ADARB2: variants seen among roughly 807,000 people sequenced by gnomAD.
ADARB2 encodes the protein inactive double-stranded RNA-specific editase B2.
ADARB2 carries 25 observed loss-of-function variants against 62.2 expected under a neutral mutation model. That is an observed-to-expected ratio of 0.40 (90% confidence interval 0.29 to 0.56). The LOEUF is 0.56. Among genes scored for constraint, ADARB2 ranks in the 20% least tolerant of loss-of-function variants. The pLI, the probability that ADARB2 is intolerant of heterozygous loss-of-function variation, is 0.43. For missense variants in ADARB2, 1,071 were observed against 1,077.4 expected (o/e 0.99, Z 0.08); for synonymous variants, 572 against 500.8 (o/e 1.14, Z -1.90).
At chr10:1,222,215 T>C (rs541727006) in intron 6 of ADARB2, among the ~76,000 whole-genome samples, 282 of 152,326 alleles carry the variant, frequency 1.9e-3, no homozygotes, top group African/African-American at 6.3e-3. Context: ...TAAATGTCTT[T>C]TTTTGAGAAG....
At chr10:1,213,227 A>G (rs1837182228) in intron 7 of ADARB2, among the ~76,000 whole-genome samples, 1 of 152,164 alleles carries the variant, frequency 6.6e-6, no homozygotes, top group African/African-American at 2.4e-5. Context: ...ACACAGAGAA[A>G]GAGACAGAGA....
intron 1 of ADARB2, among the ~76,000 whole-genome samples, chr10:1,553,933 A>G (rs1832664606): frequency 6.6e-6 from 1 of 152,178 alleles, no homozygotes; most frequent in African/African-American, 2.4e-5. Flanking sequence ...CTAAAATTAC[A>G]CAAATCAGCA....
intron 1 of ADARB2, among the ~76,000 whole-genome samples, chr10:1,629,651 C>T (rs1272533808): frequency 6.6e-6 from 1 of 151,530 alleles, no homozygotes; most frequent in African/African-American, 2.4e-5. Context: ...CCTGCAGATC[C>T]TGCAAGTCCA....
chr10:1,734,594 G>A (rs1271718809), intron 1 of ADARB2, among the ~76,000 whole-genome samples: 1 of 152,184 alleles, frequency 6.6e-6, no homozygotes, highest in Non-Finnish European at 1.5e-5. Context: ...AATGATTCTT[G>A]TCCCTTAGAC....
intron 1 of ADARB2, among the ~76,000 whole-genome samples, chr10:1,432,061 A>G (rs944430726): frequency 2.0e-5 from 3 of 152,194 alleles, no homozygotes; most frequent in Non-Finnish European, 4.4e-5. Context: ...CATGCATCAC[A>G]GTTCATTATA....
chr10:1,545,531 G>T (rs879895337), intron 1 of ADARB2, among the ~76,000 whole-genome samples: 1 of 152,154 alleles, frequency 6.6e-6, no homozygotes, highest in Non-Finnish European at 1.5e-5. Context: ...TGCGAATTTT[G>T]TCTCTTCCCT....
chr10:1,691,450 T>A (rs1834671427), intron 1 of ADARB2, among the ~76,000 whole-genome samples: 1 of 152,186 alleles, frequency 6.6e-6, no homozygotes, highest in Non-Finnish European at 1.5e-5. Flanking sequence ...AGAGTCTATG[T>A]CCTTCTTCTC....
chr10:1,591,143 T>A (rs1430273329), intron 1 of ADARB2, among the ~76,000 whole-genome samples: 6 of 152,222 alleles, frequency 3.9e-5, no homozygotes, highest in Non-Finnish European at 1.5e-5. Flanking sequence ...TTGCCTGGGC[T>A]GGGGCCTCAC....
intron 1 of ADARB2, among the ~76,000 whole-genome samples, chr10:1,677,864 T>C (rs565470022): frequency 2.2e-4 from 33 of 152,164 alleles, no homozygotes; most frequent in Non-Finnish European, 4.3e-4. Flanking sequence ...AGGCCAGGCT[T>C]CCCTCACTCT....
intron 1 of ADARB2, among the ~76,000 whole-genome samples, chr10:1,409,225 C>T (rs563930521): frequency 1.2e-5 from 1 of 86,102 alleles, no homozygotes; most frequent in African/African-American, 3.2e-5. Context: ...ACCTTCGTCG[C>T]CCCGCCCTGC....
intron 3 of ADARB2, among the ~76,000 whole-genome samples, chr10:1,300,776 A>C (rs1358270759): frequency 6.6e-6 from 1 of 152,170 alleles, no homozygotes; most frequent in Non-Finnish European, 1.5e-5. Context: ...GCAATCATTT[A>C]CCCTGCTCTT....
intron 4 of ADARB2, among the ~76,000 whole-genome samples, chr10:1,244,254 T>C (rs780473303): frequency 1.3e-5 from 2 of 152,238 alleles, no homozygotes; most frequent in Non-Finnish European, 2.9e-5. Context: ...GATGACATCG[T>C]GATGCAGAAA....
intron 6 of ADARB2, among the ~76,000 whole-genome samples, chr10:1,223,947 T>G (rs1439637355): frequency 1.3e-5 from 2 of 152,252 alleles, no homozygotes; most frequent in African/African-American, 4.8e-5. Flanking sequence ...TAAAATGCGT[T>G]AGGGAGGATT....
chr10:1,252,837 C>A (rs895015182), intron 4 of ADARB2, among the ~76,000 whole-genome samples: 8 of 152,096 alleles, frequency 5.3e-5, no homozygotes, highest in African/African-American at 1.9e-4. Context: ...GATTTTTCTT[C>A]CACTAGGGTC....
intron 1 of ADARB2, among the ~76,000 whole-genome samples, chr10:1,545,940 T>G (rs1053120839): frequency 6.6e-6 from 1 of 152,170 alleles, no homozygotes; most frequent in Non-Finnish European, 1.5e-5. Context: ...TGGACCCTTC[T>G]GGTCTTAAAG....
At chr10:1,461,803 C>A (rs760110869) in intron 1 of ADARB2, among the ~76,000 whole-genome samples, 102 of 152,146 alleles carry the variant, frequency 6.7e-4, no homozygotes, top group Non-Finnish European at 1.1e-3. Flanking sequence ...AGTTTAAGAC[C>A]ATCCTGGCCA....
chr10:1,278,886 G>A (rs1055003794), intron 3 of ADARB2, among the ~76,000 whole-genome samples: 11 of 152,110 alleles, frequency 7.2e-5, no homozygotes, highest in Non-Finnish European at 8.8e-5. Context: ...TTGCATTTTC[G>A]TGGTCCTGCC....
chr10:1,547,837 T>A (rs1259954002), intron 1 of ADARB2, among the ~76,000 whole-genome samples: 1 of 149,876 alleles, frequency 6.7e-6, no homozygotes, highest in East Asian at 2.0e-4. Flanking sequence ...GAGGGGGAGA[T>A]AGGCATTGGT....
At chr10:1,702,107 C>T (rs907635847) in intron 1 of ADARB2, among the ~76,000 whole-genome samples, 2 of 152,200 alleles carry the variant, frequency 1.3e-5, no homozygotes, top group Admixed American at 6.5e-5. Context: ...GGTGGAGGCT[C>T]CTTTCTGTAT....
Sources: gnomAD v4.1 joint callset for allele counts (sites outside exome capture counted in the v4.1 genomes callset) on GRCh38, gnomAD v4.1.1 for gene constraint, MANE v1.5 for transcripts, NCBI Gene and HGNC (gene_info 2026-07-23, HGNC 2026-07-21) for gene names.